Variants in RRBP1 observed in about 807,000 individuals in gnomAD.
The protein encoded by RRBP1 is ribosome binding protein 1, also known as ribosome-binding protein 1.
Under a neutral mutation model 165.2 loss-of-function variants are expected in RRBP1, and 94 were observed. The observed-to-expected ratio is 0.57, with a 90% CI of 0.48 to 0.68. The LOEUF is 0.68. RRBP1 is among the 30% of genes least tolerant of loss of function. The pLI, the probability that RRBP1 is intolerant of heterozygous loss-of-function variation, is 0.00. For synonymous variants in RRBP1, 680 were observed against 714.5 expected, an observed-to-expected ratio of 0.95 and a Z score of 0.77; for missense variants, 1,676 against 1,763.0, an observed-to-expected ratio of 0.95 and a Z score of 0.88.
At chr20:17,644,049 T>A (rs758229962) in intron 3 of RRBP1, among the ~76,000 whole-genome samples, 11 of 148,826 alleles carry the variant, frequency 7.4e-5, no homozygotes, top group Non-Finnish European at 1.0e-4. Context: ...TGAGCCCACC[T>A]TGGGAGGACA....
chr20:17,624,556 G>C lies in RRBP1; in HGVS notation c.3147+20C>G, dbSNP rs1271450367. 5 of 1,531,410 alleles carry C rather than the reference G, an allele frequency of 3.3e-6. No homozygotes were observed. The highest frequency in any genetic ancestry group is 2.7e-5 in the African/African-American group (2 of 73,532). 94.9% of individuals were successfully genotyped at this position (1,531,410 alleles called of 1,614,324 possible). Reference sequence around the variant, plus strand: ...AGTGCACTTTCCATGGTGGGGGTGTGAGTGTGGTCGGGCTCTGACCTTGGC... The same window carrying C: ...AGTGCACTTTCCATGGTGGGGGTGTCAGTGTGGTCGGGCTCTGACCTTGGC... On this transcript the variant is annotated intron_variant, in intron 13 of 24. Coordinates refer to ENST00000377813, the MANE Select transcript of RRBP1 (RefSeq NM_001365613.2).
At chr20:17,651,419 T>C (rs1309189256) in intron 3 of RRBP1, among the ~76,000 whole-genome samples, 1 of 152,270 alleles carries the variant, frequency 6.6e-6, no homozygotes, top group African/African-American at 2.4e-5. Context: ...CAACAGTGTA[T>C]GTACATCATT....
At position 17,615,992 on chromosome 20, in the gene RRBP1, C is replaced by T. The variant is rs778285353; in HGVS notation, c.3885G>A (p.Glu1295=). 6.2e-7 allele frequency: 1 copy of T among 1,607,390 alleles called. No individual in the cohort carries two copies. Among genetic ancestry groups the T allele is most frequent in the East Asian group, 2.2e-5 (1 of 44,878 alleles). The change falls in exon 22 of 25, where the codon GAG becomes GAA. Residue 1295 remains glutamate (E), a synonymous_variant. Coordinates refer to ENST00000377813, the MANE Select transcript of RRBP1 (RefSeq NM_001365613.2). ...CATCCTCCAGGATGGCTTCTGTCCACTCCAGCTGCGTCTTCAGCTGTGCAA... is the reference window on the plus strand; with the variant it reads ...CATCCTCCAGGATGGCTTCTGTCCATTCCAGCTGCGTCTTCAGCTGTGCAA... ...QDPVQLKTQL[E]WTEAILEDEQ...
intron 2 of RRBP1, among the ~76,000 whole-genome samples, chr20:17,664,040 C>T (rs767530179): frequency 1.2e-4 from 19 of 152,116 alleles, no homozygotes; most frequent in Non-Finnish European, 2.6e-4. Context: ...TTTCCTATAC[C>T]TACATACCTA....
At position 17,627,595 on chromosome 20, in the gene RRBP1, G is replaced by C. The variant is rs2036053253; in HGVS notation, c.2837C>G (p.Ala946Gly). 1 of 1,613,394 alleles carries C rather than the reference G, an allele frequency of 6.2e-7. No individual in the cohort carries two copies. The highest frequency in any genetic ancestry group is 1.3e-5 in the African/African-American group (1 of 74,940). The stretch of plus-strand genomic sequence containing the variant: ...TGTGAGCTGGGAGTTCTCCGCCCTG[G>C]CCTCCTGGAGCTGCCCGTGGAGGCC... ...LSGLHGQLQE[A>G]RAENSQLTER... Residue 946 changes from alanine to glycine, a missense_variant, in exon 10 of 25, where the codon GCC becomes GGC. Physicochemically the swap from Ala to Gly is moderately conservative, Grantham distance 60. Around this residue, in one of 5 missense-constraint regions of RRBP1, gnomAD observed 1,184 missense variants for 1,167.1 expected, o/e 1.01. Coordinates refer to ENST00000377813, the MANE Select transcript of RRBP1 (RefSeq NM_001365613.2).
At position 17,641,833 on chromosome 20, in the gene RRBP1, C is replaced by T. The variant is rs559501583; in HGVS notation, c.2148G>A (p.Ala716=). 2.5e-6 allele frequency: 4 copies of T among 1,613,820 alleles called. No homozygotes were observed. The highest frequency in any genetic ancestry group is 2.5e-6 in the Non-Finnish European group (3 of 1,180,018). ...CCCTCAGTTTGCTCTTGGCGACAGC[C>T]GCATCTTCCTGTTCTGTGGCCAGCA... ...EKLLATEQED[A]AVAKSKLREL... The change falls in exon 5 of 25, where the codon GCG becomes GCA. Residue 716 remains alanine, a synonymous_variant. Coordinates refer to ENST00000377813, the MANE Select transcript of RRBP1 (RefSeq NM_001365613.2).
chr20:17,642,378 C>T (rs528731507), intron 4 of RRBP1, among the ~76,000 whole-genome samples: 55 of 152,208 alleles, frequency 3.6e-4, no homozygotes, highest in African/African-American at 1.2e-3. Context: ...CCCCCAGTGA[C>T]GACTGACAAG....
Position 17,613,837 on chromosome 20 carries a change from C to G in RRBP1, c.*345G>C, listed in dbSNP as rs577917422. 36 of 232,432 alleles carry G rather than the reference C, an allele frequency of 1.5e-4. No homozygotes were observed. The highest frequency in any genetic ancestry group is 8.1e-4 in the African/African-American group (36 of 44,716). 14.4% of individuals were successfully genotyped at this position (232,432 alleles called of 1,614,324 possible). A position where few individuals can be genotyped will look rare whatever the true frequency, so the allele number is the denominator to read the frequency against. ...CCCACCCGCTTCCCGCCCCGCCCCACTGAAAAAACACTAAACGATTGCACT... is the reference window on the plus strand; with the variant it reads ...CCCACCCGCTTCCCGCCCCGCCCCAGTGAAAAAACACTAAACGATTGCACT... On this transcript the variant is annotated 3_prime_UTR_variant, in exon 25 of 25. Transcript: ENST00000377813.
Position 17,636,590 on chromosome 20 carries a change from T to C in RRBP1, c.2324A>G (p.Gln775Arg). 6.2e-7 allele frequency: 1 copy of C among 1,611,936 alleles called. No homozygotes were observed. Among genetic ancestry groups the C allele is most frequent in the Non-Finnish European group, 8.5e-7 (1 of 1,179,972 alleles). The change falls in exon 6 of 25, where the codon CAG becomes CGG. Residue 775 changes from glutamine to arginine, a missense_variant. By Grantham distance (43) the Gln-to-Arg change is conservative (BLOSUM62 1). This residue lies in a region of RRBP1 where 1,184 missense variants were observed against 1,167.1 expected (regional missense o/e 1.01). Coordinates refer to ENST00000377813, the MANE Select transcript of RRBP1 (RefSeq NM_001365613.2). ...CACTACACCCACCTTGCCCTGCAGC[T>C]GCTGCACCTCCTTCACGTGCTCCCG... is the stretch of plus-strand genomic sequence containing the variant. ...SYREHVKEVQ[Q>R]LQGKIRTLQE...
At position 17,617,154 on chromosome 20, in the gene RRBP1, G is replaced by A. The variant is rs112941782; in HGVS notation, c.3760-315C>T. Reference sequence around the variant, plus strand: ...AGAGCAAAGGAATCCGAATGGAACCGGGGGGTGGCCGCCACACTGTCTACA... The same window carrying A: ...AGAGCAAAGGAATCCGAATGGAACCAGGGGGTGGCCGCCACACTGTCTACA... On this transcript the variant is annotated intron_variant, in intron 20 of 24. Transcript: ENST00000377813. Among the ~76,000 whole-genome samples the A allele has an allele frequency of 7.9e-5, 12 of 151,628 alleles. 1 individual carries two copies. The highest frequency in any genetic ancestry group is 2.7e-4 in the African/African-American group (11 of 41,230).
At chr20:17,630,590 G>T (rs773158499) in intron 8 of RRBP1, among the ~76,000 whole-genome samples, 1 of 152,224 alleles carries the variant, frequency 6.6e-6, no homozygotes. Flanking sequence ...TTCAGTGTTT[G>T]CCCAGTTCCC....
intron 5 of RRBP1, among the ~76,000 whole-genome samples, chr20:17,638,743 G>A (rs943074741): frequency 9.2e-5 from 14 of 152,078 alleles, no homozygotes; most frequent in African/African-American, 3.4e-4. Flanking sequence ...CGCACAAGAA[G>A]ACAAGGCTTG....
chr20:17,660,517 C>T lies in RRBP1; in HGVS notation c.-10G>A. Reference sequence around the variant, plus strand: ...TGTCGTAAATATCCATCCTGGCTTGCTTTCCTTTCACCTGTCAAACATACA... The same window carrying T: ...TGTCGTAAATATCCATCCTGGCTTGTTTTCCTTTCACCTGTCAAACATACA... On this transcript the variant is annotated 5_prime_UTR_variant, in exon 3 of 25. Transcript: ENST00000377813. 19 of 1,600,066 alleles carry T rather than the reference C, an allele frequency of 1.2e-5. No homozygotes were observed. Among genetic ancestry groups the T allele is most frequent in the Non-Finnish European group, 1.6e-5 (19 of 1,169,402 alleles).
intron 2 of RRBP1, among the ~76,000 whole-genome samples, chr20:17,675,449 G>T (rs958568365): frequency 6.6e-6 from 1 of 152,146 alleles, no homozygotes; most frequent in East Asian, 1.9e-4. Context: ...TCCCTGCACT[G>T]GTAGAGCTTA....
chr20:17,657,595 A>G (rs997030406), intron 3 of RRBP1, among the ~76,000 whole-genome samples: 1 of 152,218 alleles, frequency 6.6e-6, no homozygotes, highest in Non-Finnish European at 1.5e-5. Flanking sequence ...AGAAAGGAAA[A>G]AAGAAAAGGA....
At chr20:17,681,017 C>A (rs6105789) in intron 1 of RRBP1, among the ~76,000 whole-genome samples, 2,818 of 152,130 alleles carry the variant, frequency 0.019, 38 homozygotes, top group Non-Finnish European at 0.025. Flanking sequence ...AGAGGGGTCC[C>A]TGAAGCACTG....
At chr20:17,641,604 C>T in intron 5 of RRBP1, 193 bp downstream of exon 5, 1 of 668,172 alleles carries the variant, frequency 1.5e-6, no homozygotes, top group Non-Finnish European at 2.6e-6. Context: ...GCCACGAGCA[C>T]TGCCAAGGGT....
In RRBP1 at chr20:17,659,475, C is replaced by G; in HGVS notation, c.1033G>C (p.Ala345Pro). The change falls in exon 3 of 25, where the codon GCC (alanine) becomes CCC (proline). Residue 345 changes from alanine (A) to proline (P), a missense_variant. Transcript: ENST00000377813. ...AQNQGKKAEG[A>P]QNQGKKAEGA... ...TCGGCCTTCTTGCCCTGATTCTGGG[C>G]CCCCTCGGCCTTCTTGCCCTGATTC... is the stretch of plus-strand genomic sequence containing the variant. 6.7e-7 allele frequency: 1 copy of G among 1,497,726 alleles called. No homozygotes were observed. The highest frequency in any genetic ancestry group is 2.1e-5 in the Admixed American group (1 of 47,142). 92.8% of individuals were successfully genotyped at this position (1,497,726 alleles called of 1,614,324 possible). A position where few individuals can be genotyped will look rare whatever the true frequency, so the allele number is the denominator to read the frequency against.
intron 2 of RRBP1, among the ~76,000 whole-genome samples, chr20:17,673,401 T>C (rs1230271606): frequency 2.0e-5 from 3 of 152,318 alleles, no homozygotes; most frequent in East Asian, 3.9e-4. Flanking sequence ...CTTGCTGTCC[T>C]GAAGTCTTTC....
Sources: allele counts gnomAD v4.1 joint callset (sites outside exome capture counted in the v4.1 genomes callset), GRCh38; gene constraint gnomAD v4.1.1; regional missense constraint gnomAD v4.1.1; transcripts MANE v1.5; gene names NCBI Gene and HGNC (gene_info 2026-07-23, HGNC 2026-07-21).